Variants in SPAG16 observed in about 807,000 individuals in gnomAD.
The protein encoded by SPAG16 is sperm-associated antigen 16 protein.
SPAG16 carries 86 observed loss-of-function variants against 80.4 expected under a neutral mutation model. The ratio of observed to expected loss-of-function variants is 1.07; its 90% confidence interval spans 0.90 to 1.28. The LOEUF (loss-of-function observed/expected upper bound fraction) is 1.28. Among genes scored for constraint, SPAG16 ranks in the 50% most tolerant of loss-of-function variants. The pLI, the probability that SPAG16 is intolerant of heterozygous loss-of-function variation, is 0.00. For synonymous variants in SPAG16, 294 were observed against 265.9 expected (o/e 1.11, Z -1.03); for missense variants, 870 against 765.3 (o/e 1.14, Z -1.61).
chr2:214,287,534 G>C (rs10932530), intron 15 of SPAG16, among the ~76,000 whole-genome samples: 1 of 151,956 alleles, frequency 6.6e-6, no homozygotes, highest in Admixed American at 6.6e-5. Context: ...ATAGTTGGGG[G>C]TGGGCTTTCA....
rs67726428 is a variant in SPAG16 at position 214,165,469 on chromosome 2, CTTTTTTTTTTTTTTTTTTT to C, written c.1720+16222_1720+16240del. 3.4e-3 allele frequency among the ~76,000 whole-genome samples: 130 copies of C among 37,860 alleles called. 1 individual carries two copies. The highest frequency in any genetic ancestry group is 0.022 in the Middle Eastern group (1 of 46). The allele number at this position is 37,860 out of a possible 152,430, so 24.8% of individuals were successfully genotyped here. Reference sequence around the variant, plus strand: ...TTTAAAAATGCTTTGCATCACCATCCTTTTTTTTTTTTTTTTTTTTTTTTTTTTTTTTTTTTTGCCAAAA... The same window carrying C: ...TTTAAAAATGCTTTGCATCACCATCCTTTTTTTTTTTTTTTTTTGCCAAAA... On this transcript the variant is annotated intron_variant, in intron 15 of 15. Coordinates refer to ENST00000331683, the MANE Select transcript of SPAG16 (RefSeq NM_024532.5).
At chr2:213,564,432 T>G in intron 10 of SPAG16, among the ~76,000 whole-genome samples, 1 of 150,192 alleles carries the variant, frequency 6.7e-6, no homozygotes, top group Non-Finnish European at 1.5e-5. Flanking sequence ...GAGGCGGAGG[T>G]TGCAGTGAGC....
intron 13 of SPAG16, among the ~76,000 whole-genome samples, chr2:214,089,665 C>A (rs940785595): frequency 6.6e-6 from 1 of 151,888 alleles, no homozygotes; most frequent in Non-Finnish European, 1.5e-5. Context: ...ATCCTCCCGC[C>A]CCCTTGGTTG....
chr2:214,193,393 T>TTGTGTGTG (rs1330573293), intron 15 of SPAG16, among the ~76,000 whole-genome samples: 1 of 75,360 alleles, frequency 1.3e-5, no homozygotes, highest in Non-Finnish European at 4.1e-5. Context: ...AAGAGATCTT[T>TTGTGTGTG]TATGTGTGTG....
At chr2:213,818,839 C>T (rs528253422) in intron 10 of SPAG16, among the ~76,000 whole-genome samples, 2 of 152,218 alleles carry the variant, frequency 1.3e-5, no homozygotes, top group South Asian at 2.1e-4. Context: ...TGCTCTCTCT[C>T]TCCTGCCACC....
chr2:213,430,598 C>T (rs936470329), intron 9 of SPAG16, among the ~76,000 whole-genome samples: 3 of 152,030 alleles, frequency 2.0e-5, no homozygotes, highest in African/African-American at 7.2e-5. Context: ...AGTGACTGAA[C>T]TTACATATCA....
chr2:214,229,717 A>T (rs754818623), intron 15 of SPAG16, among the ~76,000 whole-genome samples: 2 of 151,892 alleles, frequency 1.3e-5, no homozygotes, highest in Non-Finnish European at 2.9e-5. Flanking sequence ...TCAGATACAA[A>T]AAAAAGGTGA....
intron 10 of SPAG16, among the ~76,000 whole-genome samples, chr2:213,597,725 T>C (rs911425841): frequency 2.6e-5 from 4 of 152,154 alleles, no homozygotes; most frequent in African/African-American, 9.7e-5. Context: ...TGTTACATAT[T>C]TTGCAAAAAG....
intron 13 of SPAG16, among the ~76,000 whole-genome samples, chr2:214,090,721 A>G (rs1321106019): frequency 6.6e-6 from 1 of 151,992 alleles, no homozygotes; most frequent in Non-Finnish European, 1.5e-5. Flanking sequence ...CCCATGTAAC[A>G]TTGTTTCGAA....
At chr2:213,916,712 T>C (rs2106191156) in intron 11 of SPAG16, among the ~76,000 whole-genome samples, 1 of 152,260 alleles carries the variant, frequency 6.6e-6, no homozygotes, top group Non-Finnish European at 1.5e-5. Context: ...GAGATTTGGG[T>C]GGACACACAG....
intron 10 of SPAG16, among the ~76,000 whole-genome samples, chr2:213,650,250 G>A (rs1483312718): frequency 1.3e-5 from 2 of 152,170 alleles, no homozygotes; most frequent in Non-Finnish European, 2.9e-5. Context: ...AGTCACTACA[G>A]TTCATGCATT....
intron 7 of SPAG16, among the ~76,000 whole-genome samples, chr2:213,361,415 A>T (rs2065971426): frequency 6.7e-6 from 1 of 148,228 alleles, no homozygotes; most frequent in East Asian, 1.9e-4. Context: ...ACTAAATCTA[A>T]ATATATATAT....
chr2:213,343,736 G>A (rs923642227), intron 6 of SPAG16, among the ~76,000 whole-genome samples: 28 of 152,020 alleles, frequency 1.8e-4, no homozygotes, highest in African/African-American at 5.8e-4. Flanking sequence ...ATTGGACATT[G>A]CCAATGGAAA....
At chr2:213,682,533 C>T (rs2064447762) in intron 10 of SPAG16, among the ~76,000 whole-genome samples, 1 of 152,170 alleles carries the variant, frequency 6.6e-6, no homozygotes, top group Non-Finnish European at 1.5e-5. Flanking sequence ...TGGTCAGGAG[C>T]ATTCTCTCTT....
intron 9 of SPAG16, among the ~76,000 whole-genome samples, chr2:213,472,822 C>T (rs1411898730): frequency 6.6e-6 from 1 of 152,208 alleles, no homozygotes; most frequent in African/African-American, 2.4e-5. Flanking sequence ...AATGTCAGCT[C>T]AGAGGCAGTG....
intron 15 of SPAG16, among the ~76,000 whole-genome samples, chr2:214,232,381 T>G (rs563905670): frequency 9.3e-4 from 141 of 152,124 alleles, no homozygotes; most frequent in Non-Finnish European, 1.7e-3. Flanking sequence ...ATTTTCTTAT[T>G]TAATATTCTC....
At chr2:214,345,050 G>A (rs914497203) in intron 15 of SPAG16, among the ~76,000 whole-genome samples, 2 of 152,008 alleles carry the variant, frequency 1.3e-5, no homozygotes, top group Non-Finnish European at 1.5e-5. Flanking sequence ...GGAAACAATC[G>A]TTCTTACCTT....
At chr2:214,386,159 G>T (rs1700738520) in intron 15 of SPAG16, among the ~76,000 whole-genome samples, 1 of 152,162 alleles carries the variant, frequency 6.6e-6, no homozygotes, top group African/African-American at 2.4e-5. Context: ...CTGATCACTT[G>T]AGCCCAGAAG....
At chr2:214,156,651 C>T (rs2056228663) in intron 15 of SPAG16, among the ~76,000 whole-genome samples, 1 of 152,014 alleles carries the variant, frequency 6.6e-6, no homozygotes. Flanking sequence ...GGTAGGACAA[C>T]AGTAGTCCCA....
Sources: gnomAD v4.1 joint callset for allele counts (sites outside exome capture counted in the v4.1 genomes callset) on GRCh38, gnomAD v4.1.1 for gene constraint, MANE v1.5 for transcripts, NCBI Gene and HGNC (gene_info 2026-07-23, HGNC 2026-07-21) for gene names.